Variants in SF3B3 observed in about 807,000 individuals in gnomAD.
SF3B3 encodes SAP 130.
In SF3B3, 33 loss-of-function variants were observed where a neutral mutation model predicts 139.2. The ratio of observed to expected loss-of-function variants is 0.24; its 90% confidence interval spans 0.18 to 0.32. The LOEUF is 0.32. Among genes scored for constraint, SF3B3 ranks in the 10% least tolerant of loss-of-function variants. The pLI, the probability that SF3B3 is intolerant of heterozygous loss-of-function variation, is 1.00. For missense variants in SF3B3, 818 were observed against 1,509.4 expected (o/e 0.54, Z 7.59); for synonymous variants, 596 against 563.6 (o/e 1.06, Z -0.81).
At position 70,568,239 on chromosome 16, in the gene SF3B3, C is replaced by T. The variant is rs561708035; in HGVS notation, c.2953-44C>T. The T allele has an allele frequency of 1.1e-4, 165 of 1,480,838 alleles. No homozygotes were observed. The East Asian group carries it at 3.5e-3, about 32-fold the overall frequency. 91.7% of individuals were successfully genotyped at this position (1,480,838 alleles called of 1,614,324 possible). A position where few individuals can be genotyped will look rare whatever the true frequency, so the allele number is the denominator to read the frequency against. ...GCTGGGCTTTCTTTGGGTTCTGAAC[C>T]CCAAGATTACACCCACCATCACTAT... On this transcript the variant is annotated intron_variant, in intron 21 of 25. Transcript: ENST00000302516.
chr16:70,561,495 T>A, intron 16 of SF3B3, 135 bp from the exon 17 acceptor site: 1 of 743,574 alleles, frequency 1.3e-6, no homozygotes, highest in Non-Finnish European at 2.3e-6. Flanking sequence ...TTTCTTAAGA[T>A]AGCCTGTTAT....
chr16:70,542,945 G>C (rs189256342), intron 9 of SF3B3, among the ~76,000 whole-genome samples: 1 of 151,846 alleles, frequency 6.6e-6, no homozygotes, highest in Non-Finnish European at 1.5e-5. Context: ...GGATGGTCTC[G>C]ATATTCTGAC....
At chr16:70,546,203 T>C (rs970328767) in intron 10 of SF3B3, among the ~76,000 whole-genome samples, 1 of 152,184 alleles carries the variant, frequency 6.6e-6, no homozygotes, top group Non-Finnish European at 1.5e-5. Flanking sequence ...ACTCCTGGGC[T>C]CAAGTGAGCC....
At chr16:70,537,913 GA>G (rs953718267) in intron 6 of SF3B3, 39 of 417,936 alleles carry the variant, frequency 9.3e-5, no homozygotes, top group Non-Finnish European at 1.7e-4. Context: ...GTCTTTAAAA[GA>G]AAAAAAATTC....
chr16:70,542,984 A>G (rs566579375), intron 9 of SF3B3, among the ~76,000 whole-genome samples: 15 of 152,224 alleles, frequency 9.9e-5, no homozygotes, highest in Admixed American at 9.2e-4. Flanking sequence ...TGGTCTCCCA[A>G]AGTGCTGGGA....
At position 70,531,539 on chromosome 16, in the gene SF3B3, G is replaced by T. The variant is rs531774061; in HGVS notation, c.570+622G>T. On this transcript the variant is annotated intron_variant, in intron 4 of 25. Transcript: ENST00000302516. ...GCCCACCTCAGCCTTCCAGAGTGCT[G>T]GGATTATAAGGCCTGAGCCACCTCA... 3.3e-5 allele frequency among the ~76,000 whole-genome samples: 5 copies of T among 152,284 alleles called. No homozygotes were observed. In the East Asian group the frequency reaches 9.7e-4, roughly 30 times the overall value.
intron 15 of SF3B3, among the ~76,000 whole-genome samples, chr16:70,557,858 T>A (rs993597696): frequency 6.6e-6 from 1 of 152,188 alleles, no homozygotes; most frequent in Non-Finnish European, 1.5e-5. Flanking sequence ...CCAACAGATG[T>A]CTGTTTTTGT....
At chr16:70,524,691 C>CT (rs145175362) in intron 1 of SF3B3, 7,001 of 150,102 alleles carry the variant, frequency 0.047, 218 homozygotes, top group Non-Finnish European at 0.065. Flanking sequence ...GCTAATTTTT[C>CT]TTTTTTTGAG....
chr16:70,549,564 C>A (rs957263613), intron 11 of SF3B3, among the ~76,000 whole-genome samples: 3 of 152,130 alleles, frequency 2.0e-5, no homozygotes, highest in Non-Finnish European at 4.4e-5. Context: ...ATTAGAAACA[C>A]GTTTTAAGAT....
At chr16:70,543,473 C>T (rs2050239219) in intron 9 of SF3B3, among the ~76,000 whole-genome samples, 1 of 151,886 alleles carries the variant, frequency 6.6e-6, no homozygotes, top group Non-Finnish European at 1.5e-5. Context: ...TTTGGGAGGC[C>T]GAGGCGGGTA....
intron 17 of SF3B3, among the ~76,000 whole-genome samples, chr16:70,563,313 A>G (rs575812541): frequency 3.3e-5 from 5 of 152,298 alleles, no homozygotes; most frequent in African/African-American, 9.6e-5. Flanking sequence ...ATAAAACTCC[A>G]TCATTAGAGA....
intron 3 of SF3B3, 143 bp downstream of exon 3, chr16:70,529,342 T>G (rs1201354961): frequency 3.0e-6 from 2 of 663,900 alleles, no homozygotes; most frequent in Non-Finnish European, 5.0e-6. Flanking sequence ...TTGCATTTCC[T>G]TTTTAAAAGA....
intron 9 of SF3B3, among the ~76,000 whole-genome samples, chr16:70,542,718 CT>C (rs201956090): frequency 2.1e-3 from 299 of 145,330 alleles, no homozygotes; most frequent in African/African-American, 5.5e-3. Context: ...CTTTTTTTTT[CT>C]TTTTTTTTTC....
chr16:70,549,875 A>C (rs1220804481), intron 11 of SF3B3, among the ~76,000 whole-genome samples: 1 of 152,222 alleles, frequency 6.6e-6, no homozygotes, highest in Non-Finnish European at 1.5e-5. Flanking sequence ...CAGTGAGCCG[A>C]GATTGCACCA....
intron 7 of SF3B3, 65 bp from the exon 8 acceptor site, chr16:70,539,039 G>A: frequency 4.4e-6 from 5 of 1,134,258 alleles, no homozygotes; most frequent in Non-Finnish European, 5.4e-6. Context: ...CTCAGCCTGT[G>A]CTGTCTTATA....
chr16:70,534,814 G>A (rs1266023156), intron 5 of SF3B3, among the ~76,000 whole-genome samples: 1 of 152,048 alleles, frequency 6.6e-6, no homozygotes, highest in East Asian at 1.9e-4. Flanking sequence ...GATTACAGGC[G>A]CCCACCACCA....
chr16:70,570,435 A>G (rs1455435339), intron 24 of SF3B3, among the ~76,000 whole-genome samples: 3 of 145,900 alleles, frequency 2.1e-5, no homozygotes, highest in African/African-American at 7.7e-5. Context: ...GGTTCACGCC[A>G]TTCTCCTGCC....
chr16:70,567,876 A>G (rs1353531654), intron 21 of SF3B3, among the ~76,000 whole-genome samples: 1 of 152,164 alleles, frequency 6.6e-6, no homozygotes, highest in East Asian at 1.9e-4. Flanking sequence ...TAGTAGAGAC[A>G]GGGTTTTACC....
chr16:70,571,956 T>A lies in SF3B3; in HGVS notation c.*143T>A. The stretch of plus-strand genomic sequence containing the variant: ...TATGAAAGTCAACAGCTCTTTCCCC[T>A]CAGCTCTTCTCCTGGAATGACTGGC... On this transcript the variant is annotated 3_prime_UTR_variant, in exon 26 of 26. Coordinates refer to ENST00000302516, the MANE Select transcript of SF3B3 (RefSeq NM_012426.5). 1 of 978,122 alleles carries A rather than the reference T, an allele frequency of 1.0e-6. No homozygotes were observed. Among genetic ancestry groups the A allele is most frequent in the Non-Finnish European group, 1.5e-6 (1 of 655,638 alleles). The allele number at this position is 978,122 out of a possible 1,614,324, so 60.6% of individuals were successfully genotyped here.
Sources: allele counts gnomAD v4.1 joint callset (sites outside exome capture counted in the v4.1 genomes callset), GRCh38; gene constraint gnomAD v4.1.1; transcripts MANE v1.5; gene names NCBI Gene and HGNC (gene_info 2026-07-23, HGNC 2026-07-21).